Variants in PRRX2 observed in about 807,000 individuals in gnomAD.
PRRX2 encodes paired related homeobox 2, also known as paired mesoderm homeobox protein 2.
PRRX2 carries 11 observed loss-of-function variants against 18.0 expected under a neutral mutation model. That is an observed-to-expected ratio of 0.61 (90% CI 0.39 to 1.01). PRRX2 has a LOEUF of 1.01. Among genes scored for constraint, PRRX2 ranks in the 50% least tolerant of loss-of-function variants. The pLI is 0.01. For synonymous variants in PRRX2, 177 were observed against 154.8 expected, an observed-to-expected ratio of 1.14 and a Z score of -1.06; for missense variants, 387 against 351.0, an observed-to-expected ratio of 1.10 and a Z score of -0.82.
chr9:129,677,623 C>T (rs1832176138), intron 1 of PRRX2, among the ~76,000 whole-genome samples: 1 of 152,228 alleles, frequency 6.6e-6, no homozygotes, highest in South Asian at 2.1e-4. Flanking sequence ...GGGGAGGCTC[C>T]AGGCCTTGCT....
chr9:129,685,431 A>G (rs550769785), intron 1 of PRRX2, among the ~76,000 whole-genome samples: 57 of 152,252 alleles, frequency 3.7e-4, no homozygotes, highest in African/African-American at 1.3e-3. Flanking sequence ...CAGTGGCACA[A>G]TCACAGCTCA....
chr9:129,686,493 C>T (rs973870855), intron 1 of PRRX2, among the ~76,000 whole-genome samples: 12 of 152,194 alleles, frequency 7.9e-5, no homozygotes, highest in African/African-American at 1.9e-4. Context: ...CACAGGTGCA[C>T]GCTGCCACAC....
chr9:129,692,075 C>G (rs925524643), intron 1 of PRRX2, among the ~76,000 whole-genome samples: 2 of 151,984 alleles, frequency 1.3e-5, no homozygotes, highest in Non-Finnish European at 2.9e-5. Flanking sequence ...TCCCAAGTAG[C>G]TGGGACTATA....
chr9:129,704,857 C>T (rs1464514920), intron 1 of PRRX2, among the ~76,000 whole-genome samples: 5 of 152,180 alleles, frequency 3.3e-5, no homozygotes, highest in Non-Finnish European at 5.9e-5. Context: ...CCCAAGTTCC[C>T]AACTGGCTCT....
chr9:129,667,131 G>A (rs189511023), intron 1 of PRRX2, among the ~76,000 whole-genome samples: 3 of 139,388 alleles, frequency 2.2e-5, no homozygotes, highest in Non-Finnish European at 4.7e-5. Flanking sequence ...GAGGACGCCT[G>A]CGACACGCCT....
chr9:129,682,644 G>A (rs1053004183), intron 1 of PRRX2, among the ~76,000 whole-genome samples: 5 of 152,186 alleles, frequency 3.3e-5, no homozygotes, highest in African/African-American at 4.8e-5. Context: ...TCTCAGCAAT[G>A]GCTTCGCCCA....
At chr9:129,681,794 A>G (rs1441185402) in intron 1 of PRRX2, among the ~76,000 whole-genome samples, 3 of 151,950 alleles carry the variant, frequency 2.0e-5, no homozygotes, top group Middle Eastern at 3.4e-3. Flanking sequence ...AGTGAACCCC[A>G]TTCCAGAAAC....
chr9:129,702,655 C>T (rs1450116717), intron 1 of PRRX2, among the ~76,000 whole-genome samples: 1 of 152,204 alleles, frequency 6.6e-6, no homozygotes, highest in Non-Finnish European at 1.5e-5. Context: ...CAGTCTGAGC[C>T]ATGTCATTCC....
chr9:129,721,846 GT>G (rs1832796712), intron 3 of PRRX2, among the ~76,000 whole-genome samples: 1 of 152,122 alleles, frequency 6.6e-6, no homozygotes, highest in East Asian at 1.9e-4. Flanking sequence ...CTCCCAAAGT[GT>G]TGGGATTACA....
rs1425160993 is a variant in PRRX2, at chr9:129,671,694, T to A, written c.259+5568T>A. 6.6e-6 allele frequency among the ~76,000 whole-genome samples: 1 copy of A among 152,032 alleles called. No homozygotes were observed. The highest frequency in any genetic ancestry group is 2.4e-5 in the African/African-American group (1 of 41,382). ...ACCATGCCTAGTCCACAGTAAAGTG[T>A]CTCCACTGCAGCTCCTGGAGATGCT... On this transcript the variant is annotated intron_variant, in intron 1 of 3. Transcript: ENST00000372469. This position sits in a 1 kb window ranked among gnomAD's most constrained non-coding sequence, Gnocchi z 4.0.
intron 1 of PRRX2, among the ~76,000 whole-genome samples, chr9:129,706,669 A>G (rs549861579): frequency 8.0e-4 from 122 of 152,296 alleles, no homozygotes; most frequent in Middle Eastern, 3.4e-3. Flanking sequence ...TCGAGGCTGC[A>G]GTAAGCCATG....
Position 129,665,915 on chromosome 9 carries a change from C to A in PRRX2, c.48C>A (p.Gly16=). Residue 16 remains glycine (G), a synonymous_variant, in exon 1 of 4, where the codon GGC becomes GGA. Coordinates refer to ENST00000372469, the MANE Select transcript of PRRX2 (RefSeq NM_016307.4). This position sits in a 1 kb window ranked among gnomAD's most constrained non-coding sequence, Gnocchi z 5.3. ...AAFALDKPAL[G]PGPPPPPPAL... is the part of the protein sequence containing the mutation. Reference sequence around the variant, plus strand: ...TCGCCCTGGACAAGCCGGCGCTGGGCCCGGGGCCGCCGCCGCCTCCACCCG... The same window carrying A: ...TCGCCCTGGACAAGCCGGCGCTGGGACCGGGGCCGCCGCCGCCTCCACCCG... 9.0e-7 allele frequency: 1 copy of A among 1,114,408 alleles called. No homozygotes were observed. The highest frequency in any genetic ancestry group is 2.7e-5 in the South Asian group (1 of 36,872). The allele number at this position is 1,114,408 out of a possible 1,614,324, so 69.0% of individuals were successfully genotyped here.
chr9:129,669,243 C>T (rs529743761), intron 1 of PRRX2, among the ~76,000 whole-genome samples: 15 of 152,228 alleles, frequency 9.9e-5, no homozygotes, highest in Middle Eastern at 3.4e-3. Flanking sequence ...AGACCAGGCT[C>T]CCTCCAGAAA....
At position 129,695,582 on chromosome 9, in the gene PRRX2, G is replaced by A. The variant is rs923140610; in HGVS notation, c.260-23649G>A. ...CACAGAGCTGGGAGCCGGGCCGGGA[G>A]CCCCCAGCTGGCAGGCACCTCCCTT... On this transcript the variant is annotated intron_variant, in intron 1 of 3. Coordinates refer to ENST00000372469, the MANE Select transcript of PRRX2 (RefSeq NM_016307.4). The surrounding 1 kb of genome is among the most constrained non-coding windows in gnomAD (Gnocchi z 4.8). Among the ~76,000 whole-genome samples, 1 of 152,150 alleles carries A rather than the reference G, an allele frequency of 6.6e-6. No individual in the cohort carries two copies. The highest frequency in any genetic ancestry group is 2.4e-5 in the African/African-American group (1 of 41,422).
intron 1 of PRRX2, chr9:129,713,330 G>C (rs560950626): frequency 3.9e-5 from 6 of 152,312 alleles, no homozygotes; most frequent in African/African-American, 1.4e-4. Context: ...TTGGCACTGA[G>C]CTACACTCAA....
chr9:129,670,009 C>G lies in PRRX2; in HGVS notation c.259+3883C>G, dbSNP rs961236518. Among the ~76,000 whole-genome samples, 6 of 148,114 alleles carry G rather than the reference C, an allele frequency of 4.1e-5. No individual in the cohort carries two copies. In the Admixed American group the frequency reaches 4.1e-4, roughly 10 times the overall value. ...TGAACATGCATTCCCCCTCCCCCAG[C>G]CCCTGGCACCCAGCAGTCTGCTTCC... On this transcript the variant is annotated intron_variant, in intron 1 of 3. Transcript: ENST00000372469.
intron 1 of PRRX2, among the ~76,000 whole-genome samples, chr9:129,684,530 A>C (rs1301590003): frequency 6.1e-5 from 8 of 131,296 alleles, no homozygotes; most frequent in Middle Eastern, 3.8e-3. Flanking sequence ...ACACCCACAC[A>C]CACCCCAACA....
chr9:129,694,415 C>T lies in PRRX2; in HGVS notation c.260-24816C>T, dbSNP rs547230645. 1.5e-3 allele frequency among the ~76,000 whole-genome samples: 235 copies of T among 152,294 alleles called. 1 individual carries two copies. The highest frequency in any genetic ancestry group is 1.8e-3 in the Non-Finnish European group (120 of 68,016). On this transcript the variant is annotated intron_variant, in intron 1 of 3. Transcript: ENST00000372469. ...GGCTGGGCCAGTCTCCAACTCCTGA[C>T]CTCAAGTGATCCGCCCGCCTCGGCC...
At chr9:129,680,169 A>C (rs1167046572) in intron 1 of PRRX2, among the ~76,000 whole-genome samples, 3 of 152,050 alleles carry the variant, frequency 2.0e-5, no homozygotes, top group Non-Finnish European at 2.9e-5. Flanking sequence ...TGGGAGGCTG[A>C]GAAGGGTGGA....
Sources: allele counts gnomAD v4.1 joint callset (sites outside exome capture counted in the v4.1 genomes callset), GRCh38; gene constraint gnomAD v4.1.1; non-coding constraint Gnocchi (gnomAD v3.1); transcripts MANE v1.5; gene names NCBI Gene and HGNC (gene_info 2026-07-23, HGNC 2026-07-21).